The following FOSL2 variants were observed in gnomAD, a reference collection of about 807,000 sequenced individuals.
The protein encoded by FOSL2 is fos-related antigen 2.
FOSL2 carries 3 observed loss-of-function variants against 27.7 expected under a neutral mutation model. The observed-to-expected ratio is 0.11, with a 90% CI of 0.05 to 0.28. The LOEUF (loss-of-function observed/expected upper bound fraction) is 0.28, where lower values mean the gene tolerates loss of function less well. Among genes scored for constraint, FOSL2 ranks in the 10% least tolerant of loss-of-function variants. The pLI, the probability that FOSL2 is intolerant of heterozygous loss-of-function variation, is 1.00. For missense variants in FOSL2, 333 were observed against 445.1 expected (o/e 0.75, Z 2.27); for synonymous variants, 179 against 190.1 (o/e 0.94, Z 0.48).
chr2:28,394,914 T>C (rs1019694548), intron 1 of FOSL2, among the ~76,000 whole-genome samples: 7 of 152,176 alleles, frequency 4.6e-5, no homozygotes, highest in Non-Finnish European at 1.0e-4. Flanking sequence ...CCTTGGCCTC[T>C]AGAAGGGGCT....
chr2:28,397,285 C>T (rs1255773018), intron 1 of FOSL2, among the ~76,000 whole-genome samples: 2 of 152,038 alleles, frequency 1.3e-5, no homozygotes, highest in African/African-American at 4.8e-5. Context: ...CATTAGGTTG[C>T]CTTCACAGTT....
rs972795848 is a variant in FOSL2, at chr2:28,413,325, C to T, written c.*877C>T. ...CCTTCACCTGGTGTCTTGAGTAGGG[C>T]GTCTCCTGTAATTACTGCCTTGCCA... On this transcript the variant is annotated 3_prime_UTR_variant, in exon 4 of 4. Transcript: ENST00000264716. 3.8e-4 allele frequency: 152 copies of T among 396,984 alleles called. 1 individual carries two copies. In the East Asian group the frequency reaches 5.1e-3, roughly 13 times the overall value. 24.6% of individuals were successfully genotyped at this position (396,984 alleles called of 1,614,324 possible). A position where few individuals can be genotyped will look rare whatever the true frequency, so the allele number is the denominator to read the frequency against.
rs1263523143 is a variant in FOSL2, at chr2:28,415,111, T to C, written c.*2663T>C. ...CAGCTGCATTGGGGCTGCCTTTCTG[T>C]TTGGCTTAGGAACTTCTGTGCTTCT... On this transcript the variant is annotated 3_prime_UTR_variant, in exon 4 of 4. Transcript: ENST00000264716. 6.6e-6 allele frequency: 1 copy of C among 152,282 alleles called. No individual in the cohort carries two copies. The highest frequency in any genetic ancestry group is 1.5e-5 in the Non-Finnish European group (1 of 68,148). The allele number at this position is 152,282 out of a possible 1,614,324, so 9.4% of individuals were successfully genotyped here.
chr2:28,406,269 C>G (rs1450667863), intron 2 of FOSL2, among the ~76,000 whole-genome samples: 2 of 152,058 alleles, frequency 1.3e-5, no homozygotes, highest in Non-Finnish European at 2.9e-5. Context: ...GCCATGTTGG[C>G]TAGGCTGGTC....
chr2:28,402,672 G>A (rs982128787), intron 1 of FOSL2, among the ~76,000 whole-genome samples: 13 of 152,190 alleles, frequency 8.5e-5, no homozygotes, highest in African/African-American at 2.9e-4. Flanking sequence ...TATAGGGGAT[G>A]ACCTGACACT....
rs1479006109 is a variant in FOSL2 at position 28,416,402 on chromosome 2, A to C, written c.*3954A>C. On this transcript the variant is annotated 3_prime_UTR_variant, in exon 4 of 4. Transcript: ENST00000264716. Reference sequence around the variant, plus strand: ...AATGTTTACATCTTCTTTATGTTGTATCAAGCCTGAATAGAAACTGATAGC... The same window carrying C: ...AATGTTTACATCTTCTTTATGTTGTCTCAAGCCTGAATAGAAACTGATAGC... 2.0e-5 allele frequency: 3 copies of C among 151,264 alleles called. No individual in the cohort carries two copies. The highest frequency in any genetic ancestry group is 7.3e-5 in the African/African-American group (3 of 41,174). 9.4% of individuals were successfully genotyped at this position (151,264 alleles called of 1,614,324 possible).
chr2:28,397,521 A>G (rs1663878855), intron 1 of FOSL2, among the ~76,000 whole-genome samples: 1 of 152,186 alleles, frequency 6.6e-6, no homozygotes, highest in South Asian at 2.1e-4. Flanking sequence ...ATCAAAGGGA[A>G]TGGGGTGAAA....
chr2:28,407,087 G>C (rs546991778), intron 2 of FOSL2, among the ~76,000 whole-genome samples: 11 of 152,348 alleles, frequency 7.2e-5, no homozygotes, highest in Non-Finnish European at 1.3e-4. Context: ...AGGTCAGTCA[G>C]GAGGCCAAAA....
intron 3 of FOSL2, among the ~76,000 whole-genome samples, chr2:28,410,024 AG>A (rs1230677342): frequency 1.3e-5 from 2 of 152,112 alleles, no homozygotes; most frequent in African/African-American, 4.8e-5. Flanking sequence ...TACAGGCGTG[AG>A]CCACCACGCC....
At chr2:28,406,042 CCCT>C (rs1437701591) in intron 2 of FOSL2, among the ~76,000 whole-genome samples, 21 of 148,414 alleles carry the variant, frequency 1.4e-4, no homozygotes, top group African/African-American at 5.2e-4. Flanking sequence ...GCTCTCCATT[CCCT>C]TTTTTTTTTT....
chr2:28,408,544 C>T lies in FOSL2; in HGVS notation c.355-215C>T, dbSNP rs1188673042. On this transcript the variant is annotated intron_variant, in intron 2 of 3. Coordinates refer to ENST00000264716, the MANE Select transcript of FOSL2 (RefSeq NM_005253.4). The surrounding 1 kb of genome is among the most constrained non-coding windows in gnomAD (Gnocchi z 4.1). ...GACTTTAAACTTGGACATCACCTTCCGGGGCAGATTCAGCTCAAAAGAGCC... is the reference window on the plus strand; with the variant it reads ...GACTTTAAACTTGGACATCACCTTCTGGGGCAGATTCAGCTCAAAAGAGCC... Among the ~76,000 whole-genome samples the T allele has an allele frequency of 2.0e-5, 3 of 152,280 alleles. No homozygotes were observed. The highest frequency in any genetic ancestry group is 2.1e-4 in the South Asian group (1 of 4,816).
chr2:28,396,817 C>CACACACACACACACACACACACACAA (rs1663853249), intron 1 of FOSL2: 2 of 151,942 alleles, frequency 1.3e-5, no homozygotes, highest in African/African-American at 4.9e-5. Context: ...CACACACACA[C>CACACACACACACACACACACACACAA]ACACACACAC....
In FOSL2 at chr2:28,392,945, G is replaced by GGAGAGA. The variant is rs72195155; in HGVS notation, c.-760_-755dup. ...CGGCGCTCGGCGGGGACAGAAAGAGGGAGAGAGAGAGAGAGAGAGAGGGAG... is the reference window on the plus strand; with the variant it reads ...CGGCGCTCGGCGGGGACAGAAAGAGGGAGAGAGAGAGAGAGAGAGAGAGAGAGGGAG... On this transcript the variant is annotated 5_prime_UTR_variant, in exon 1 of 4. Coordinates refer to ENST00000264716, the MANE Select transcript of FOSL2 (RefSeq NM_005253.4). The GGAGAGA allele has an allele frequency of 3.5e-5, 24 of 676,512 alleles. No homozygotes were observed. The highest frequency in any genetic ancestry group is 2.4e-4 in the Middle Eastern group (1 of 4,154). 41.9% of individuals were successfully genotyped at this position (676,512 alleles called of 1,614,324 possible).
At chr2:28,410,930 C>T (rs1307897925) in intron 3 of FOSL2, among the ~76,000 whole-genome samples, 1 of 152,144 alleles carries the variant, frequency 6.6e-6, no homozygotes, top group Non-Finnish European at 1.5e-5. Flanking sequence ...GGGTGGATCA[C>T]CTGAGGTCAG....
At chr2:28,406,636 CT>C (rs879358768) in intron 2 of FOSL2, among the ~76,000 whole-genome samples, 36 of 152,264 alleles carry the variant, frequency 2.4e-4, no homozygotes, top group Non-Finnish European at 4.6e-4. Flanking sequence ...AGTTTCCTTC[CT>C]TTTTTGAGAG....
Position 28,408,063 on chromosome 2 carries a change from T to C in FOSL2, c.355-696T>C, listed in dbSNP as rs1664120260. 6.6e-6 allele frequency among the ~76,000 whole-genome samples: 1 copy of C among 152,196 alleles called. No individual in the cohort carries two copies. The highest frequency in any genetic ancestry group is 1.5e-5 in the Non-Finnish European group (1 of 68,020). ...TGGTGGGCAGCAGGATTTTACCTGC[T>C]GGGGGCTCCTCTTCCTTTTGCATGT... On this transcript the variant is annotated intron_variant, in intron 2 of 3. Transcript: ENST00000264716. The surrounding 1 kb of genome is among the most constrained non-coding windows in gnomAD (Gnocchi z 4.1).
chr2:28,392,940 A>AAGAGGG lies in FOSL2; in HGVS notation c.-776_-771dup. On this transcript the variant is annotated 5_prime_UTR_variant, in exon 1 of 4. Coordinates refer to ENST00000264716, the MANE Select transcript of FOSL2 (RefSeq NM_005253.4). ...ACGAGCGGCGCTCGGCGGGGACAGA[A>AAGAGGG]AGAGGGAGAGAGAGAGAGAGAGAGA... 1.5e-6 allele frequency: 1 copy of AAGAGGG among 689,098 alleles called. No homozygotes were observed. Among genetic ancestry groups the AAGAGGG allele is most frequent in the Middle Eastern group, 2.4e-4 (1 of 4,234 alleles). 42.7% of individuals were successfully genotyped at this position (689,098 alleles called of 1,614,324 possible). A position where few individuals can be genotyped will look rare whatever the true frequency, so the allele number is the denominator to read the frequency against.
In FOSL2 at chr2:28,403,442, A is replaced by G. The variant is rs190365589; in HGVS notation, c.103-665A>G. Among the ~76,000 whole-genome samples the G allele has an allele frequency of 2.9e-3, 447 of 152,266 alleles. 1 individual carries two copies. The highest frequency in any genetic ancestry group is 5.4e-3 in the Non-Finnish European group (369 of 68,020). ...ACTCAGCCAGTCTGCCCCAAGCAAG[A>G]TGCTGATGATGGGAAGGGAGGAGGG... On this transcript the variant is annotated intron_variant, in intron 1 of 3. Coordinates refer to ENST00000264716, the MANE Select transcript of FOSL2 (RefSeq NM_005253.4).
At position 28,413,035 on chromosome 2, in the gene FOSL2, C is replaced by T. The variant is rs902018146; in HGVS notation, c.*587C>T. ...GTCCAGAAGGGGACAAAGTGCAATA[C>T]AGAGCCTTCCCTACCCTGACGCCTC... On this transcript the variant is annotated 3_prime_UTR_variant, in exon 4 of 4. Transcript: ENST00000264716. 1.7e-4 allele frequency: 27 copies of T among 160,698 alleles called. No homozygotes were observed. The Middle Eastern group carries it at 9.1e-3, about 54-fold the overall frequency. 10.0% of individuals were successfully genotyped at this position (160,698 alleles called of 1,614,324 possible).
Sources: allele counts gnomAD v4.1 joint callset (sites outside exome capture counted in the v4.1 genomes callset), GRCh38; gene constraint gnomAD v4.1.1; non-coding constraint Gnocchi (gnomAD v3.1); transcripts MANE v1.5; gene names NCBI Gene and HGNC (gene_info 2026-07-23, HGNC 2026-07-21).